Variants in GABRR2 observed in about 807,000 individuals in gnomAD.
GABRR2 encodes gamma-aminobutyric acid type A receptor subunit rho2, also known as gamma-aminobutyric acid receptor subunit rho-2.
A neutral mutation model predicts 47.0 loss-of-function variants in GABRR2; 36 were observed. The ratio of observed to expected loss-of-function variants is 0.77; its 90% CI spans 0.59 to 1.01. GABRR2 has a LOEUF of 1.01. GABRR2 is among the 50% of genes least tolerant of loss of function. GABRR2 has a pLI of 0.00. For missense variants in GABRR2, 587 were observed against 594.6 expected (o/e 0.99, Z 0.13); for synonymous variants, 204 against 227.5 (o/e 0.90, Z 0.93).
chr6:89,297,312 C>T (rs931337755), intron 2 of GABRR2, among the ~76,000 whole-genome samples: 6 of 152,194 alleles, frequency 3.9e-5, no homozygotes, highest in Admixed American at 2.6e-4. Context: ...GTGCCTATGC[C>T]GCCTAATGAA....
chr6:89,301,173 G>A (rs186361213), intron 1 of GABRR2, among the ~76,000 whole-genome samples: 34 of 126,316 alleles, frequency 2.7e-4, no homozygotes, highest in Admixed American at 3.7e-4. Flanking sequence ...AGAGGCTTTC[G>A]ATAAAATTCA....
At chr6:89,292,080 C>T (rs1774451112) in intron 2 of GABRR2, among the ~76,000 whole-genome samples, 1 of 152,112 alleles carries the variant, frequency 6.6e-6, no homozygotes, top group African/African-American at 2.4e-5. Context: ...CTGCCCAACA[C>T]ATAGCAGCAG....
rs535885278 is a variant in GABRR2, at chr6:89,292,838, G to T, written c.220+6921C>A. ...GATATATCGTATATATCGTATATAC[G>T]ATATATCGTATATATCATATATTAT... On this transcript the variant is annotated intron_variant, in intron 2 of 8. Transcript: ENST00000402938. 3.9e-4 allele frequency among the ~76,000 whole-genome samples: 49 copies of T among 124,394 alleles called. 3 individuals carry two copies. The highest frequency in any genetic ancestry group is 1.4e-3 in the African/African-American group (46 of 32,584). The allele number at this position is 124,394 out of a possible 152,430, so 81.6% of individuals were successfully genotyped here.
chr6:89,313,637 C>T (rs1234892390), intron 1 of GABRR2, among the ~76,000 whole-genome samples: 1 of 152,152 alleles, frequency 6.6e-6, no homozygotes, highest in Non-Finnish European at 1.5e-5. Flanking sequence ...TAATTATAGG[C>T]TGGGTGTGGT....
intron 1 of GABRR2, among the ~76,000 whole-genome samples, chr6:89,311,527 G>A (rs1176727897): frequency 1.3e-5 from 2 of 152,076 alleles, no homozygotes; most frequent in African/African-American, 4.8e-5. Flanking sequence ...ACTCCTTCCT[G>A]AGCCCCCACC....
chr6:89,311,419 C>T (rs1203893753), intron 1 of GABRR2, among the ~76,000 whole-genome samples: 1 of 152,180 alleles, frequency 6.6e-6, no homozygotes, highest in South Asian at 2.1e-4. Context: ...GATCAAGCCA[C>T]TAAGATCCTG....
chr6:89,281,087 T>A (rs1774249054), intron 2 of GABRR2, among the ~76,000 whole-genome samples: 1 of 152,246 alleles, frequency 6.6e-6, no homozygotes, highest in Admixed American at 6.5e-5. Context: ...AATAAGACCT[T>A]CCATGTGTCA....
chr6:89,299,683 G>C (rs765202286), intron 2 of GABRR2, 76 bp downstream of exon 2: 7 of 939,492 alleles, frequency 7.5e-6, no homozygotes, highest in Non-Finnish European at 8.7e-6. Context: ...CGCTGTGCCA[G>C]AGGGAGCCAG....
At chr6:89,307,745 G>C (rs1277896001) in intron 1 of GABRR2, among the ~76,000 whole-genome samples, 1 of 151,144 alleles carries the variant, frequency 6.6e-6, no homozygotes, top group Non-Finnish European at 1.5e-5. Context: ...TGGAGATTTG[G>C]TTTTGAGTGT....
intron 1 of GABRR2, among the ~76,000 whole-genome samples, chr6:89,306,551 G>A (rs1297705422): frequency 6.6e-6 from 1 of 152,252 alleles, no homozygotes; most frequent in African/African-American, 2.4e-5. Context: ...TTCACAGCCA[G>A]TGGAGGACAG....
chr6:89,303,446 A>C (rs1767496600), intron 1 of GABRR2, among the ~76,000 whole-genome samples: 1 of 151,974 alleles, frequency 6.6e-6, no homozygotes, highest in South Asian at 2.1e-4. Flanking sequence ...AGATGACACA[A>C]AGAAATGAAA....
intron 2 of GABRR2, among the ~76,000 whole-genome samples, chr6:89,283,617 A>G (rs1386494501): frequency 6.6e-6 from 1 of 152,206 alleles, no homozygotes; most frequent in Non-Finnish European, 1.5e-5. Flanking sequence ...TGGGGAGGAT[A>G]TATATGCATA....
At chr6:89,268,496 C>A (rs1300518525) in intron 4 of GABRR2, among the ~76,000 whole-genome samples, 1 of 152,132 alleles carries the variant, frequency 6.6e-6, no homozygotes, top group Admixed American at 6.6e-5. Flanking sequence ...GTGAACTGTA[C>A]AAGCAGACCA....
chr6:89,266,132 A>G (rs1193827129), intron 6 of GABRR2, among the ~76,000 whole-genome samples: 3 of 152,148 alleles, frequency 2.0e-5, no homozygotes, highest in Admixed American at 2.0e-4. Context: ...GCACACTCAC[A>G]GCTCACTGCA....
In GABRR2 at chr6:89,269,148, G is replaced by A. The variant is rs751799384; in HGVS notation, c.375C>T (p.Phe125=). 14 of 1,613,920 alleles carry A rather than the reference G, an allele frequency of 8.7e-6. No individual in the cohort carries two copies. The highest frequency in any genetic ancestry group is 3.3e-5 in the Admixed American group (2 of 60,004). The change falls in exon 4 of 9, where the codon TTC becomes TTT. Residue 125 remains phenylalanine (F), a synonymous_variant. Coordinates refer to ENST00000402938, the MANE Select transcript of GABRR2 (RefSeq NM_002043.5). ...AGATCTTCTTCACCAGCCGGCCATCGAAGGTCATGCTCTTGTTGCTGGCGC... is the reference window on the plus strand; with the variant it reads ...AGATCTTCTTCACCAGCCGGCCATCAAAGGTCATGCTCTTGTTGCTGGCGC... ...FSSASNKSMT[F]DGRLVKKIWV... is the part of the protein sequence containing the mutation.
chr6:89,291,198 TCC>T (rs1774434304), intron 2 of GABRR2, among the ~76,000 whole-genome samples: 1 of 151,946 alleles, frequency 6.6e-6, no homozygotes, highest in African/African-American at 2.4e-5. Context: ...ATCTCTCAGG[TCC>T]CTCCATTTCT....
In GABRR2 at chr6:89,271,656, A is replaced by C; in HGVS notation, c.287T>G (p.Met96Arg). ...GTGTCACTGGAGGCCGCTGCATACCATGTCCACCTCGGAGATGCTGTCCAG... is the reference window on the plus strand; with the variant it reads ...GTGTCACTGGAGGCCGCTGCATACCCTGTCCACCTCGGAGATGCTGTCCAG... ...ESLDSISEVD[M>R]DFTMTLYLRH... The change falls in exon 3 of 9, where the codon ATG becomes AGG. Residue 96 changes from methionine to arginine, a missense_variant and splice_region_variant. By Grantham distance (91) the Met-to-Arg change is moderately conservative. Transcript: ENST00000402938. 6.2e-7 allele frequency: 1 copy of C among 1,610,774 alleles called. No individual in the cohort carries two copies. Among genetic ancestry groups the C allele is most frequent in the Non-Finnish European group, 8.5e-7 (1 of 1,178,676 alleles).
intron 2 of GABRR2, among the ~76,000 whole-genome samples, chr6:89,286,554 TC>T (rs1232827531): frequency 1.3e-5 from 2 of 151,396 alleles, no homozygotes; most frequent in African/African-American, 4.9e-5. Context: ...TAATTATACC[TC>T]AAAGCAGAAA....
At chr6:89,279,894 G>C (rs1164517580) in intron 2 of GABRR2, among the ~76,000 whole-genome samples, 1 of 152,060 alleles carries the variant, frequency 6.6e-6, no homozygotes, top group Non-Finnish European at 1.5e-5. Flanking sequence ...GGAAAGGTTT[G>C]ACATATAAGA....
Sources: gnomAD v4.1 joint callset for allele counts (sites outside exome capture counted in the v4.1 genomes callset) on GRCh38, gnomAD v4.1.1 for gene constraint, MANE v1.5 for transcripts, NCBI Gene and HGNC (gene_info 2026-07-23, HGNC 2026-07-21) for gene names.